Variants in GRK5 observed in about 807,000 individuals in gnomAD.
The protein encoded by GRK5 is g protein-coupled receptor kinase GRK5.
A neutral mutation model predicts 78.4 loss-of-function variants in GRK5; 40 were observed. The observed-to-expected ratio is 0.51, with a 90% confidence interval of 0.40 to 0.66. The LOEUF (loss-of-function observed/expected upper bound fraction) is 0.66. GRK5 is among the 30% of genes least tolerant of loss of function. The pLI is 0.00. For synonymous variants in GRK5, 289 were observed against 296.8 expected, an observed-to-expected ratio of 0.97 and a Z score of 0.27; for missense variants, 598 against 759.9, an observed-to-expected ratio of 0.79 and a Z score of 2.50.
chr10:119,440,913 A>G (rs1853019427), intron 10 of GRK5, among the ~76,000 whole-genome samples: 1 of 152,138 alleles, frequency 6.6e-6, no homozygotes, highest in Admixed American at 6.5e-5. Flanking sequence ...CTCTGTGCCC[A>G]TTTAACAGAT....
intron 3 of GRK5, among the ~76,000 whole-genome samples, chr10:119,392,101 T>C (rs1245205274): frequency 6.6e-6 from 1 of 152,236 alleles, no homozygotes; most frequent in African/African-American, 2.4e-5. Flanking sequence ...GACATATTTT[T>C]CCTGGCAGAT....
At chr10:119,272,871 A>G (rs1177810067) in intron 1 of GRK5, among the ~76,000 whole-genome samples, 1 of 152,136 alleles carries the variant, frequency 6.6e-6, no homozygotes, top group Non-Finnish European at 1.5e-5. Flanking sequence ...ACCTGGAGGG[A>G]CAGGGAGGCC....
At chr10:119,450,452 C>T (rs906326260) in intron 13 of GRK5, among the ~76,000 whole-genome samples, 4 of 152,168 alleles carry the variant, frequency 2.6e-5, no homozygotes, top group African/African-American at 7.2e-5. Context: ...AGTAGAAATA[C>T]GAGTCACAAG....
chr10:119,395,287 A>G (rs115035258), intron 3 of GRK5, among the ~76,000 whole-genome samples: 3,702 of 152,336 alleles, frequency 0.024, 153 homozygotes, highest in African/African-American at 0.083. Flanking sequence ...AGGGCAAGAC[A>G]AGGACACTCG....
chr10:119,278,662 T>A (rs1469131803), intron 1 of GRK5, among the ~76,000 whole-genome samples: 2 of 152,154 alleles, frequency 1.3e-5, no homozygotes, highest in Non-Finnish European at 2.9e-5. Flanking sequence ...ACTCATTCAT[T>A]GCCCCTTCCT....
intron 2 of GRK5, 41 bp from the exon 3 acceptor site, chr10:119,380,774 T>C (rs1346010039): frequency 7.6e-7 from 1 of 1,315,274 alleles, no homozygotes. Flanking sequence ...CTGCCTGGCC[T>C]TCTCCTGGGT....
chr10:119,425,294 C>CACACAA (rs1554920958), intron 6 of GRK5, among the ~76,000 whole-genome samples: 24 of 150,974 alleles, frequency 1.6e-4, no homozygotes, highest in Non-Finnish European at 3.0e-4. Flanking sequence ...CACACACACA[C>CACACAA]ACAAACACAC....
chr10:119,388,931 C>A (rs1202660571), intron 3 of GRK5, among the ~76,000 whole-genome samples: 1 of 152,208 alleles, frequency 6.6e-6, no homozygotes, highest in East Asian at 1.9e-4. Context: ...GGCTGGCTTT[C>A]TCCAGAGCAA....
At position 119,309,701 on chromosome 10, in the gene GRK5, C is replaced by A. The variant is rs147537948; in HGVS notation, c.53-16815C>A. On this transcript the variant is annotated intron_variant, in intron 1 of 15. Transcript: ENST00000392870. ...ACAGAGACCAGATGTGAACCCTCAT[C>A]TCTGTGTTGGAATCCTCTCTACAGG... Among the ~76,000 whole-genome samples the A allele has an allele frequency of 7.8e-3, 1,187 of 152,296 alleles. 7 individuals are homozygous for A. Among genetic ancestry groups the A allele is most frequent in the Non-Finnish European group, 0.013 (861 of 68,018 alleles).
chr10:119,367,554 G>A (rs922749199), intron 2 of GRK5, among the ~76,000 whole-genome samples: 1 of 152,200 alleles, frequency 6.6e-6, no homozygotes, highest in Non-Finnish European at 1.5e-5. Context: ...TGGGAGAATC[G>A]GAGCTGTATC....
intron 2 of GRK5, among the ~76,000 whole-genome samples, chr10:119,373,935 A>G (rs774425338): frequency 6.6e-6 from 1 of 152,208 alleles, no homozygotes; most frequent in African/African-American, 2.4e-5. Context: ...TGTGAAAGAG[A>G]CCATATGGCC....
chr10:119,293,247 C>T (rs186994173), intron 1 of GRK5, among the ~76,000 whole-genome samples: 1 of 152,310 alleles, frequency 6.6e-6, no homozygotes, highest in East Asian at 1.9e-4. Flanking sequence ...TGGCTGGATG[C>T]CGTGGCTCAC....
chr10:119,325,787 A>C (rs900466165), intron 1 of GRK5, among the ~76,000 whole-genome samples: 2 of 152,204 alleles, frequency 1.3e-5, no homozygotes, highest in Admixed American at 1.3e-4. Flanking sequence ...GATGACGGGA[A>C]CACCTGTGTG....
rs201606707 is a variant in GRK5 at position 119,249,487 on chromosome 10, C to CATTTT, written c.52+41535_52+41539dup. Among the ~76,000 whole-genome samples, 648 of 151,980 alleles carry CATTTT rather than the reference C, an allele frequency of 4.3e-3. 8 individuals carry two copies. Among genetic ancestry groups the CATTTT allele is most frequent in the East Asian group, 5.2e-3 (27 of 5,150 alleles). ...ATGAATTGTGTGTAAACACTTTAAA[C>CATTTT]ATTTTATTTTATTTTATTTTACTTA... On this transcript the variant is annotated intron_variant, in intron 1 of 15. Coordinates refer to ENST00000392870, the MANE Select transcript of GRK5 (RefSeq NM_005308.3).
rs374731640 is a variant in GRK5, at chr10:119,315,368, G to C, written c.53-11148G>C. On this transcript the variant is annotated intron_variant, in intron 1 of 15. Transcript: ENST00000392870. ...TCGGGCCTGGATGAAAAGAGACTTAGAATCAGTGAGAAGCCACATGCCCAC... is the reference window on the plus strand; with the variant it reads ...TCGGGCCTGGATGAAAAGAGACTTACAATCAGTGAGAAGCCACATGCCCAC... 1.2e-4 allele frequency among the ~76,000 whole-genome samples: 19 copies of C among 152,314 alleles called. No homozygotes were observed. In the East Asian group the frequency reaches 2.9e-3, roughly 23 times the overall value.
intron 1 of GRK5, among the ~76,000 whole-genome samples, chr10:119,255,038 C>CAAAA (rs11427427): frequency 4.4e-5 from 5 of 113,726 alleles, no homozygotes; most frequent in East Asian, 2.4e-4. Context: ...GACTCAGTCT[C>CAAAA]AAAAAAAAAA....
At chr10:119,241,416 T>G (rs1849023782) in intron 1 of GRK5, among the ~76,000 whole-genome samples, 1 of 152,168 alleles carries the variant, frequency 6.6e-6, no homozygotes, top group African/African-American at 2.4e-5. Flanking sequence ...TCAATAAGAC[T>G]TTGCCAAAAT....
intron 1 of GRK5, among the ~76,000 whole-genome samples, chr10:119,216,140 C>T (rs1285319625): frequency 6.6e-6 from 1 of 152,222 alleles, no homozygotes; most frequent in Non-Finnish European, 1.5e-5. Flanking sequence ...TTGCTTGTTC[C>T]CTGGTGTCCG....
chr10:119,394,495 G>A lies in GRK5; in HGVS notation c.262-2200G>A, dbSNP rs200538176. ...GATGTGTGTGGGTGTGTGTATCTGC[G>A]TGTCTGTGGGCACGTGTGTGTGGGT... On this transcript the variant is annotated intron_variant, in intron 3 of 15. Transcript: ENST00000392870. Among the ~76,000 whole-genome samples, 2 of 81,882 alleles carry A rather than the reference G, an allele frequency of 2.4e-5. 1 individual carries two copies. Among genetic ancestry groups the A allele is most frequent in the Non-Finnish European group, 4.9e-5 (2 of 40,870 alleles). 53.7% of individuals were successfully genotyped at this position (81,882 alleles called of 152,430 possible).
Sources: allele counts gnomAD v4.1 joint callset (sites outside exome capture counted in the v4.1 genomes callset), GRCh38; gene constraint gnomAD v4.1.1; transcripts MANE v1.5; gene names NCBI Gene and HGNC (gene_info 2026-07-23, HGNC 2026-07-21).